NRG3: variants seen among roughly 807,000 people sequenced by gnomAD.
The protein encoded by NRG3 is pro-neuregulin-3, membrane-bound isoform.
A neutral mutation model predicts 66.9 loss-of-function variants in NRG3; 31 were observed. The ratio of observed to expected loss-of-function variants is 0.46; its 90% CI spans 0.35 to 0.63. NRG3 has a LOEUF of 0.63. NRG3 is among the 20% of genes least tolerant of loss of function. NRG3 has a pLI of 0.00. For synonymous variants in NRG3, 393 were observed against 359.4 expected (o/e 1.09, Z -1.06); for missense variants, 910 against 878.9 (o/e 1.04, Z -0.45).
At chr10:82,871,635 T>C (rs1290680405) in intron 4 of NRG3, among the ~76,000 whole-genome samples, 3 of 152,146 alleles carry the variant, frequency 2.0e-5, no homozygotes, top group African/African-American at 4.8e-5. Flanking sequence ...ACATCTTTTA[T>C]TTTGCTAGAC....
At chr10:82,022,411 C>T (rs975671056) in intron 1 of NRG3, among the ~76,000 whole-genome samples, 5 of 152,014 alleles carry the variant, frequency 3.3e-5, no homozygotes, top group Non-Finnish European at 7.4e-5. Context: ...CAGTACCTCC[C>T]GGTTGTGATA....
intron 2 of NRG3, among the ~76,000 whole-genome samples, chr10:82,722,526 T>G (rs188816434): frequency 6.6e-6 from 1 of 152,004 alleles, no homozygotes; most frequent in Non-Finnish European, 1.5e-5. Flanking sequence ...TGCAAAAAAA[T>G]ATAGATGTGG....
chr10:82,328,042 C>T (rs1048084576), intron 1 of NRG3, among the ~76,000 whole-genome samples: 8 of 152,174 alleles, frequency 5.3e-5, no homozygotes, highest in Admixed American at 2.0e-4. Context: ...AGTCACATTG[C>T]GGGGTTAGGG....
intron 1 of NRG3, among the ~76,000 whole-genome samples, chr10:82,017,665 T>C (rs536093404): frequency 6.6e-6 from 1 of 152,356 alleles, no homozygotes; most frequent in African/African-American, 2.4e-5. Flanking sequence ...ATTGTGGTTT[T>C]GATTTGCATT....
chr10:82,571,015 T>C (rs1262594498), intron 2 of NRG3, among the ~76,000 whole-genome samples: 1 of 151,654 alleles, frequency 6.6e-6, no homozygotes, highest in African/African-American at 2.4e-5. Flanking sequence ...TTATGTGTTG[T>C]ATTTTTGTTG....
rs149042570 is a variant in NRG3 at position 82,223,952 on chromosome 10, A to G, written c.824-134787A>G. 1.2e-3 allele frequency among the ~76,000 whole-genome samples: 177 copies of G among 152,282 alleles called. 2 individuals are homozygous for G. In the East Asian group the frequency reaches 0.019, roughly 16 times the overall value. ...ACAAAGTGAGTCTGTTTCCTTTTCTACATAACCTCTGTCTTATCATGACAG... is the reference window on the plus strand; with the variant it reads ...ACAAAGTGAGTCTGTTTCCTTTTCTGCATAACCTCTGTCTTATCATGACAG... On this transcript the variant is annotated intron_variant, in intron 1 of 8. Transcript: ENST00000372141.
intron 5 of NRG3, 53 bp from the exon 6 acceptor site, chr10:82,958,896 A>G: frequency 6.7e-7 from 1 of 1,485,546 alleles, no homozygotes; most frequent in Non-Finnish European, 8.9e-7. Context: ...CCCTGAAAGT[A>G]GGAGTTGAAT....
chr10:82,221,237 C>CAA (rs368132655), intron 1 of NRG3, among the ~76,000 whole-genome samples: 15,777 of 118,084 alleles, frequency 0.13, 934 homozygotes, highest in Middle Eastern at 0.26. Flanking sequence ...CACTCACTGC[C>CAA]AAAAAAAAAA....
intron 4 of NRG3, among the ~76,000 whole-genome samples, chr10:82,873,780 A>G (rs1237137084): frequency 6.6e-6 from 1 of 152,120 alleles, no homozygotes; most frequent in African/African-American, 2.4e-5. Flanking sequence ...TTTAATGCAA[A>G]TTTCCTTCAT....
intron 1 of NRG3, among the ~76,000 whole-genome samples, chr10:82,089,612 T>C (rs2065916199): frequency 6.6e-6 from 1 of 152,218 alleles, no homozygotes; most frequent in South Asian, 2.1e-4. Flanking sequence ...CTCAATCCAG[T>C]GACCTCTTTT....
intron 1 of NRG3, among the ~76,000 whole-genome samples, chr10:82,329,629 A>G (rs2082046632): frequency 6.6e-6 from 1 of 152,154 alleles, no homozygotes; most frequent in Non-Finnish European, 1.5e-5. Context: ...ATTGTAAAGA[A>G]TGAGACTAAA....
intron 3 of NRG3, among the ~76,000 whole-genome samples, chr10:82,747,097 A>C (rs2058677764): frequency 6.6e-6 from 1 of 152,082 alleles, no homozygotes; most frequent in African/African-American, 2.4e-5. Context: ...AATAACAACA[A>C]CAAAAAAAGG....
intron 1 of NRG3, among the ~76,000 whole-genome samples, chr10:82,337,790 A>G (rs2082465934): frequency 6.6e-6 from 1 of 152,202 alleles, no homozygotes; most frequent in Non-Finnish European, 1.5e-5. Context: ...ATTCAAATAG[A>G]AAGGAAAATT....
intron 1 of NRG3, among the ~76,000 whole-genome samples, chr10:82,149,189 T>A (rs1435835396): frequency 6.6e-6 from 1 of 152,148 alleles, no homozygotes. Context: ...ATAATTAAAA[T>A]GCAGCTTGAA....
chr10:82,598,906 T>C (rs906683223), intron 2 of NRG3, among the ~76,000 whole-genome samples: 4 of 151,896 alleles, frequency 2.6e-5, no homozygotes, highest in Non-Finnish European at 5.9e-5. Flanking sequence ...AAAAATTAGC[T>C]GGGCATGGTG....
rs115210325 is a variant in NRG3 at position 81,934,922 on chromosome 10, G to A, written c.823+58759G>A. Reference sequence around the variant, plus strand: ...GCTATTCCTATCTCCCCAGGGCCAAGCCTCAATTAACTGCTGACACTAAGA... The same window carrying A: ...GCTATTCCTATCTCCCCAGGGCCAAACCTCAATTAACTGCTGACACTAAGA... On this transcript the variant is annotated intron_variant, in intron 1 of 8. Transcript: ENST00000372141. 3.9e-3 allele frequency among the ~76,000 whole-genome samples: 591 copies of A among 152,286 alleles called. 1 individual carries two copies. Among genetic ancestry groups the A allele is most frequent in the African/African-American group, 0.014 (565 of 41,562 alleles).
At chr10:82,739,731 C>G (rs913274982) in intron 3 of NRG3, among the ~76,000 whole-genome samples, 1 of 152,196 alleles carries the variant, frequency 6.6e-6, no homozygotes, top group African/African-American at 2.4e-5. Context: ...ACAGTAACTA[C>G]TCTTTCTTTG....
At chr10:82,598,689 T>A (rs1414662288) in intron 2 of NRG3, among the ~76,000 whole-genome samples, 1 of 152,176 alleles carries the variant, frequency 6.6e-6, no homozygotes, top group Non-Finnish European at 1.5e-5. Context: ...CTTTGTGAAA[T>A]ACTGTCTCTG....
intron 2 of NRG3, among the ~76,000 whole-genome samples, chr10:82,651,878 T>C (rs908466912): frequency 6.6e-6 from 1 of 152,158 alleles, no homozygotes; most frequent in Non-Finnish European, 1.5e-5. Context: ...CCAGTTGACA[T>C]TTGGACTGCA....
Sources: gnomAD v4.1 joint callset for allele counts (sites outside exome capture counted in the v4.1 genomes callset) on GRCh38, gnomAD v4.1.1 for gene constraint, MANE v1.5 for transcripts, NCBI Gene and HGNC (gene_info 2026-07-23, HGNC 2026-07-21) for gene names.